The following SLC43A2 variants were observed in gnomAD, a reference collection of about 807,000 sequenced individuals.
SLC43A2 encodes the protein solute carrier family 43 member 2.
SLC43A2 carries 38 observed loss-of-function variants against 63.2 expected under a neutral mutation model. The ratio of observed to expected loss-of-function variants is 0.60; its 90% CI spans 0.46 to 0.79. The LOEUF is 0.79. Among genes scored for constraint, SLC43A2 ranks in the 30% least tolerant of loss-of-function variants. The probability of loss-of-function intolerance (pLI) is 0.00; values close to 1 mark genes in which losing one functional copy is unlikely to be tolerated. For synonymous variants in SLC43A2, 322 were observed against 331.0 expected (o/e 0.97, Z 0.30); for missense variants, 644 against 756.2 (o/e 0.85, Z 1.74).
chr17:1,600,153 T>TATATATATATATATATATATATATATA (rs1491178977), intron 5 of SLC43A2, among the ~76,000 whole-genome samples: 1 of 38,254 alleles, frequency 2.6e-5, no homozygotes, highest in Non-Finnish European at 5.1e-5. Context: ...TATATATATA[T>TATATATATATATATATATATATATATA]TTTTTTTTTT....
At chr17:1,597,838 G>T (rs1905465102) in intron 5 of SLC43A2, among the ~76,000 whole-genome samples, 1 of 152,078 alleles carries the variant, frequency 6.6e-6, no homozygotes, top group South Asian at 2.1e-4. Context: ...GAAAAGAAAA[G>T]AAATCCCTTC....
chr17:1,627,646 G>GCCCCCCACCCCCCCCCC, intron 2 of SLC43A2, 69 bp downstream of exon 2: 5 of 733,228 alleles, frequency 6.8e-6, no homozygotes, highest in Non-Finnish European at 1.0e-5. Flanking sequence ...CTAGGTCTTC[G>GCCCCCCACCCCCCCCCC]CCCCCATCCC....
rs1427474629 is a variant in SLC43A2, at chr17:1,615,711, C to T, written c.369-677G>A. The stretch of plus-strand genomic sequence containing the variant: ...ACAAAAAATTAGCCGGGCGTGGTGG[C>T]AGGCGCCTGTGGTCCCAGCTACTCG... On this transcript the variant is annotated intron_variant, in intron 3 of 13. Coordinates refer to ENST00000301335, the MANE Select transcript of SLC43A2 (RefSeq NM_152346.3). 1.7e-4 allele frequency among the ~76,000 whole-genome samples: 26 copies of T among 148,612 alleles called. No homozygotes were observed. The East Asian group carries it at 1.8e-3, about 10-fold the overall frequency.
At chr17:1,586,911 A>G in intron 9 of SLC43A2, 4 of 1,529,764 alleles carry the variant, frequency 2.6e-6, no homozygotes, top group Non-Finnish European at 3.5e-6. Context: ...AGGGGACATC[A>G]CAGCATTCCC....
At chr17:1,591,221 C>T (rs1306465531) in intron 8 of SLC43A2, 48 bp downstream of exon 8, 3 of 1,590,082 alleles carry the variant, frequency 1.9e-6, no homozygotes, top group Non-Finnish European at 2.6e-6. Context: ...AGCCGATACC[C>T]ACAGAGCACT....
At chr17:1,612,887 G>A (rs926592831) in intron 5 of SLC43A2, among the ~76,000 whole-genome samples, 5 of 151,994 alleles carry the variant, frequency 3.3e-5, no homozygotes, top group South Asian at 2.1e-4. Context: ...CAGGAGAATC[G>A]CTTGAACCTG....
intron 9 of SLC43A2, among the ~76,000 whole-genome samples, chr17:1,590,585 C>A (rs1904655777): frequency 6.6e-6 from 1 of 152,206 alleles, no homozygotes; most frequent in Non-Finnish European, 1.5e-5. Flanking sequence ...CTATTTTGGT[C>A]CTTCCCTCCC....
chr17:1,604,519 C>G, intron 5 of SLC43A2: 2 of 588,808 alleles, frequency 3.4e-6, no homozygotes, highest in South Asian at 4.3e-5. Flanking sequence ...CTGGGGGTCC[C>G]TCACCCCCCG....
chr17:1,587,577 A>C (rs1904331240), intron 9 of SLC43A2, among the ~76,000 whole-genome samples: 1 of 152,042 alleles, frequency 6.6e-6, no homozygotes, highest in African/African-American at 2.4e-5. Flanking sequence ...TGCTGCTCCG[A>C]GTGGAATGTC....
At chr17:1,602,368 G>A (rs930786939) in intron 5 of SLC43A2, among the ~76,000 whole-genome samples, 5 of 152,050 alleles carry the variant, frequency 3.3e-5, no homozygotes, top group South Asian at 2.1e-4. Context: ...TTCACAGGCC[G>A]GGCACGGTGG....
rs532121201 is a variant in SLC43A2 at position 1,583,584 on chromosome 17, G to T, written c.1218-248C>A. ...ACAAGAAGATGGCCATCCATATGCT[G>T]CAGTGCTCTGTGAAGGCTGAGCTAA... On this transcript the variant is annotated intron_variant, in intron 10 of 13. Coordinates refer to ENST00000301335, the MANE Select transcript of SLC43A2 (RefSeq NM_152346.3). The surrounding 1 kb of genome is among the most constrained non-coding windows in gnomAD (Gnocchi z 5.5). The T allele has an allele frequency of 1.9e-6, 1 of 515,438 alleles. No individual in the cohort carries two copies. The highest frequency in any genetic ancestry group is 3.4e-6 in the Non-Finnish European group (1 of 292,724). The allele number at this position is 515,438 out of a possible 1,614,324, so 31.9% of individuals were successfully genotyped here. A position where few individuals can be genotyped will look rare whatever the true frequency, so the allele number is the denominator to read the frequency against.
In SLC43A2 at chr17:1,583,904, G is replaced by GT. The variant is rs201346986; in HGVS notation, c.1218-569dup. ...TTTGTTTTGTTTTTTTGTTCTTTGG[G>GT]TTTTTTTTTGAGATGGAGTCTCGCT... On this transcript the variant is annotated intron_variant, in intron 10 of 13. Transcript: ENST00000301335. The surrounding 1 kb of genome is among the most constrained non-coding windows in gnomAD (Gnocchi z 5.5). Among the ~76,000 whole-genome samples the GT allele has an allele frequency of 0.044, 6,662 of 150,882 alleles. 170 individuals carry two copies. The highest frequency in any genetic ancestry group is 0.053 in the Non-Finnish European group (3,590 of 67,550).
At position 1,591,728 on chromosome 17, in the gene SLC43A2, G is replaced by GC. The variant is rs1173102394; in HGVS notation, c.595-30_595-29insG. On this transcript the variant is annotated intron_variant, in intron 6 of 13. Transcript: ENST00000301335. ...ACAGGCACCGCGGGGACGGGGTGGG[G>GC]GGGGGAGGGGGCAGAGTTAGCCCGG... 1.1e-5 allele frequency: 10 copies of GC among 922,456 alleles called. 1 individual carries two copies. Among genetic ancestry groups the GC allele is most frequent in the African/African-American group, 5.7e-5 (3 of 52,316 alleles). 57.1% of individuals were successfully genotyped at this position (922,456 alleles called of 1,614,324 possible).
chr17:1,596,176 C>T (rs1023638758), intron 5 of SLC43A2, among the ~76,000 whole-genome samples: 4 of 151,912 alleles, frequency 2.6e-5, no homozygotes, highest in Non-Finnish European at 5.9e-5. Flanking sequence ...AAAAATTAGC[C>T]GGGCGTGGTG....
At chr17:1,614,431 C>CAA (rs1351176002) in intron 4 of SLC43A2, among the ~76,000 whole-genome samples, 2 of 143,182 alleles carry the variant, frequency 1.4e-5, no homozygotes, top group East Asian at 2.2e-4. Context: ...CAAAACAAAA[C>CAA]AACAACAACA....
intron 10 of SLC43A2, among the ~76,000 whole-genome samples, chr17:1,584,244 TCA>T (rs1410724797): frequency 6.6e-6 from 1 of 152,056 alleles, no homozygotes; most frequent in Non-Finnish European, 1.5e-5. Context: ...GATCCCAGTC[TCA>T]CACCCACGCA....
rs542309115 is a variant in SLC43A2, at chr17:1,608,792, C to T, written c.501+4403G>A. Reference sequence around the variant, plus strand: ...GACACAGCTGAGCAGCACCTACACACGCTTTGTTGGCATGGAATTTCAAGG... The same window carrying T: ...GACACAGCTGAGCAGCACCTACACATGCTTTGTTGGCATGGAATTTCAAGG... On this transcript the variant is annotated intron_variant, in intron 5 of 13. Transcript: ENST00000301335. 1.5e-3 allele frequency among the ~76,000 whole-genome samples: 226 copies of T among 152,270 alleles called. 3 individuals are homozygous for T. Among genetic ancestry groups the T allele is most frequent in the South Asian group, 0.014 (69 of 4,828 alleles).
chr17:1,609,328 A>G (rs937477671), intron 5 of SLC43A2, among the ~76,000 whole-genome samples: 2 of 152,090 alleles, frequency 1.3e-5, no homozygotes, highest in African/African-American at 4.8e-5. Flanking sequence ...CAGCCTCCCA[A>G]GTAGCTGGGA....
chr17:1,611,623 G>A (rs1397333416), intron 5 of SLC43A2, among the ~76,000 whole-genome samples: 6 of 130,472 alleles, frequency 4.6e-5, no homozygotes, highest in Non-Finnish European at 7.7e-5. Flanking sequence ...CAACCGAGCA[G>A]ACTCAAAAAA....
Sources: allele counts gnomAD v4.1 joint callset (sites outside exome capture counted in the v4.1 genomes callset), GRCh38; gene constraint gnomAD v4.1.1; non-coding constraint Gnocchi (gnomAD v3.1); transcripts MANE v1.5; gene names NCBI Gene and HGNC (gene_info 2026-07-23, HGNC 2026-07-21).